LRRC4C: variants seen among roughly 807,000 people sequenced by gnomAD.
LRRC4C encodes leucine-rich repeat-containing protein 4C.
LRRC4C carries 5 observed loss-of-function variants against 33.6 expected under a neutral mutation model. That is an observed-to-expected ratio of 0.15 (90% CI 0.08 to 0.31). The LOEUF (loss-of-function observed/expected upper bound fraction) is 0.31. Ranked by LOEUF, LRRC4C falls within the 10% of genes least tolerant of loss-of-function variation. LRRC4C has a pLI of 1.00. For missense variants in LRRC4C, 560 were observed against 796.7 expected, an observed-to-expected ratio of 0.70 and a Z score of 3.58; for synonymous variants, 329 against 302.0, an observed-to-expected ratio of 1.09 and a Z score of -0.93.
chr11:40,335,703 A>G (rs10501230), intron 3 of LRRC4C, among the ~76,000 whole-genome samples: 33,234 of 152,186 alleles, frequency 0.22, 4,343 homozygotes, highest in Admixed American at 0.35. Flanking sequence ...TTCACTTTTT[A>G]TAAGGGTGCC....
intron 3 of LRRC4C, among the ~76,000 whole-genome samples, chr11:40,599,578 G>C (rs1959761940): frequency 6.6e-6 from 1 of 152,034 alleles, no homozygotes; most frequent in Non-Finnish European, 1.5e-5. Context: ...TTATTTACTT[G>C]GTTTGTTTTT....
intron 1 of LRRC4C, among the ~76,000 whole-genome samples, chr11:40,984,276 G>A (rs1234101132): frequency 6.8e-6 from 1 of 146,598 alleles, no homozygotes; most frequent in African/African-American, 2.5e-5. Flanking sequence ...AAGAAAGAAG[G>A]AAGGGAGAGA....
At chr11:40,249,740 A>G (rs1418917075) in intron 4 of LRRC4C, among the ~76,000 whole-genome samples, 1 of 152,076 alleles carries the variant, frequency 6.6e-6, no homozygotes, top group Non-Finnish European at 1.5e-5. Context: ...GTTCCCTAAA[A>G]AAGGCCAGGA....
chr11:41,392,735 CAT>C (rs71936281), intron 1 of LRRC4C, among the ~76,000 whole-genome samples: 37,365 of 151,470 alleles, frequency 0.25, 5,674 homozygotes, highest in Admixed American at 0.36. Context: ...GGAAGAAAGA[CAT>C]GTGATAATGA....
intron 1 of LRRC4C, among the ~76,000 whole-genome samples, chr11:41,105,791 C>T (rs1252913434): frequency 6.6e-6 from 1 of 152,044 alleles, no homozygotes; most frequent in Non-Finnish European, 1.5e-5. Context: ...AGAAGTAGTT[C>T]ATCCAACATC....
chr11:40,635,785 C>T (rs1251059657), intron 3 of LRRC4C, among the ~76,000 whole-genome samples: 3 of 151,662 alleles, frequency 2.0e-5, no homozygotes, highest in African/African-American at 7.3e-5. Flanking sequence ...TACAGGCGCC[C>T]GCCACCATGC....
intron 2 of LRRC4C, among the ~76,000 whole-genome samples, chr11:40,875,787 A>G (rs537017868): frequency 1.3e-5 from 2 of 152,286 alleles, no homozygotes; most frequent in South Asian, 2.1e-4. Flanking sequence ...GGATGACTCA[A>G]GAGCATTACA....
intron 1 of LRRC4C, among the ~76,000 whole-genome samples, chr11:41,218,955 T>C (rs1947184668): frequency 6.6e-6 from 1 of 151,698 alleles, no homozygotes; most frequent in Non-Finnish European, 1.5e-5. Flanking sequence ...GTGTTTTTAG[T>C]AGAGACGGGG....
At chr11:40,779,317 C>G (rs767051329) in intron 2 of LRRC4C, among the ~76,000 whole-genome samples, 1 of 152,068 alleles carries the variant, frequency 6.6e-6, no homozygotes, top group Non-Finnish European at 1.5e-5. Flanking sequence ...AATGCCAAAG[C>G]AAGAAATTCT....
chr11:40,904,452 G>A (rs1320625832), intron 2 of LRRC4C, among the ~76,000 whole-genome samples: 1 of 152,074 alleles, frequency 6.6e-6, no homozygotes, highest in Non-Finnish European at 1.5e-5. Context: ...TATTTTGTGT[G>A]GTTCCAACAG....
intron 1 of LRRC4C, among the ~76,000 whole-genome samples, chr11:41,053,111 C>T (rs1309736921): frequency 6.6e-6 from 1 of 152,168 alleles, no homozygotes; most frequent in Non-Finnish European, 1.5e-5. Context: ...TCAGATGACT[C>T]CCAATGATTT....
intron 1 of LRRC4C, among the ~76,000 whole-genome samples, chr11:40,936,663 A>G (rs192160320): frequency 6.6e-6 from 1 of 152,194 alleles, no homozygotes; most frequent in Admixed American, 6.6e-5. Flanking sequence ...AGCACTTACC[A>G]TACATCAGGC....
intron 1 of LRRC4C, among the ~76,000 whole-genome samples, chr11:40,996,446 G>A (rs1853980096): frequency 6.6e-6 from 1 of 152,062 alleles, no homozygotes; most frequent in Non-Finnish European, 1.5e-5. Flanking sequence ...AAATATCAAG[G>A]AGCTAAAATC....
intron 1 of LRRC4C, among the ~76,000 whole-genome samples, chr11:41,423,648 A>G (rs754789409): frequency 5.9e-5 from 9 of 152,126 alleles, no homozygotes; most frequent in Non-Finnish European, 1.3e-4. Flanking sequence ...AGAGAACTGG[A>G]TACTGAGTAG....
rs150738944 is a variant in LRRC4C at position 41,260,425 on chromosome 11, C to T, written c.-496+199006G>A. Among the ~76,000 whole-genome samples, 646 of 152,112 alleles carry T rather than the reference C, an allele frequency of 4.2e-3. 3 individuals carry two copies. Among genetic ancestry groups the T allele is most frequent in the African/African-American group, 0.014 (566 of 41,508 alleles). On this transcript the variant is annotated intron_variant, in intron 1 of 6. Transcript: ENST00000528697. The stretch of plus-strand genomic sequence containing the variant: ...TAAAGAAATGAAATGAAGATCGTCT[C>T]CGTCCATTCATGAAGATGAGAGACA...
At chr11:40,275,752 A>T (rs1943055751) in intron 4 of LRRC4C, among the ~76,000 whole-genome samples, 1 of 152,168 alleles carries the variant, frequency 6.6e-6, no homozygotes, top group Non-Finnish European at 1.5e-5. Flanking sequence ...CTAACAAAAA[A>T]GTCATAATTT....
chr11:40,742,511 T>C lies in LRRC4C; in HGVS notation c.-406-94233A>G, dbSNP rs184645512. ...ATGATTACAGATGTTAAAAATGTCATAAAAAAGAGAAAATTAATAGCAAGT... is the reference window on the plus strand; with the variant it reads ...ATGATTACAGATGTTAAAAATGTCACAAAAAAGAGAAAATTAATAGCAAGT... On this transcript the variant is annotated intron_variant, in intron 2 of 6. Transcript: ENST00000528697. Among the ~76,000 whole-genome samples, 65 of 152,048 alleles carry C rather than the reference T, an allele frequency of 4.3e-4. No individual in the cohort carries two copies. In the East Asian group the frequency reaches 0.012, roughly 28 times the overall value.
At chr11:40,253,381 G>T (rs958359639) in intron 4 of LRRC4C, among the ~76,000 whole-genome samples, 1 of 152,168 alleles carries the variant, frequency 6.6e-6, no homozygotes, top group African/African-American at 2.4e-5. Flanking sequence ...CAAAGAAGCA[G>T]GTTGGTATAA....
intron 3 of LRRC4C, among the ~76,000 whole-genome samples, chr11:40,450,799 G>A (rs138978392): frequency 6.2e-4 from 93 of 149,116 alleles, no homozygotes; most frequent in African/African-American, 1.8e-3. Flanking sequence ...AAAGAACTGC[G>A]CATATAAAGT....
Sources: allele counts gnomAD v4.1 joint callset (sites outside exome capture counted in the v4.1 genomes callset), GRCh38; gene constraint gnomAD v4.1.1; transcripts MANE v1.5; gene names NCBI Gene and HGNC (gene_info 2026-07-23, HGNC 2026-07-21).